The following RORA variants were observed in gnomAD, a reference collection of about 807,000 sequenced individuals.
RORA encodes the protein RAR related orphan receptor A.
A neutral mutation model predicts 69.5 loss-of-function variants in RORA; 7 were observed. That is an observed-to-expected ratio of 0.10 (90% CI 0.06 to 0.19). The LOEUF (loss-of-function observed/expected upper bound fraction) is 0.19. RORA is among the 10% of genes least tolerant of loss of function. The pLI, the probability that RORA is intolerant of heterozygous loss-of-function variation, is 1.00. For missense variants in RORA, 457 were observed against 663.0 expected (o/e 0.69, Z 3.41); for synonymous variants, 261 against 240.8 (o/e 1.08, Z -0.78).
chr15:60,984,333 A>AT (rs917201939), intron 1 of RORA, among the ~76,000 whole-genome samples: 6 of 151,988 alleles, frequency 3.9e-5, no homozygotes, highest in Non-Finnish European at 5.9e-5. Context: ...TTCTACATAT[A>AT]TTTTTGTTGT....
At chr15:60,690,403 G>A (rs1022441021) in intron 1 of RORA, among the ~76,000 whole-genome samples, 2 of 152,132 alleles carry the variant, frequency 1.3e-5, no homozygotes, top group Non-Finnish European at 2.9e-5. Flanking sequence ...CTTGCATAAG[G>A]CCATGACCCA....
chr15:61,032,377 C>T (rs910905784), intron 1 of RORA, among the ~76,000 whole-genome samples: 2 of 152,186 alleles, frequency 1.3e-5, no homozygotes, highest in African/African-American at 2.4e-5. Context: ...GGGCATGAGA[C>T]TGAGTCATAT....
At chr15:60,941,479 A>C (rs749877510) in intron 1 of RORA, among the ~76,000 whole-genome samples, 53 of 152,348 alleles carry the variant, frequency 3.5e-4, no homozygotes, top group Non-Finnish European at 5.4e-4. Flanking sequence ...GAAGGGGCCT[A>C]AGATACTTGG....
chr15:60,601,777 A>G (rs2068817115), intron 2 of RORA, among the ~76,000 whole-genome samples: 1 of 152,190 alleles, frequency 6.6e-6, no homozygotes, highest in Non-Finnish European at 1.5e-5. Context: ...TTTTCAATGT[A>G]CTTTGAGTAA....
At chr15:60,508,995 G>C (rs2065605531) in intron 5 of RORA, among the ~76,000 whole-genome samples, 1 of 152,180 alleles carries the variant, frequency 6.6e-6, no homozygotes, top group South Asian at 2.1e-4. Context: ...GAGAGAATTG[G>C]ACTTAGGATG....
chr15:60,929,532 A>G (rs1215439929), intron 1 of RORA, among the ~76,000 whole-genome samples: 1 of 152,194 alleles, frequency 6.6e-6, no homozygotes, highest in Non-Finnish European at 1.5e-5. Context: ...CACTTTCTTC[A>G]GTTTTTACTA....
intron 1 of RORA, among the ~76,000 whole-genome samples, chr15:60,818,215 T>C (rs1477266337): frequency 6.6e-6 from 1 of 152,132 alleles, no homozygotes; most frequent in Admixed American, 6.5e-5. Context: ...CAGTTTTTGC[T>C]ATTACCTTTA....
chr15:60,520,790 T>C (rs1308279580), intron 3 of RORA, among the ~76,000 whole-genome samples: 1 of 152,226 alleles, frequency 6.6e-6, no homozygotes, highest in African/African-American at 2.4e-5. Context: ...GCAATTTTGT[T>C]ATTTCTAAAA....
rs929502936 is a variant in RORA at position 60,935,032 on chromosome 15, A to C, written c.167-256346T>G. Among the ~76,000 whole-genome samples, 11 of 152,272 alleles carry C rather than the reference A, an allele frequency of 7.2e-5. 1 individual carries two copies. Among genetic ancestry groups the C allele is most frequent in the Admixed American group, 6.5e-4 (10 of 15,282 alleles). Reference sequence around the variant, plus strand: ...ATCCACATAATTCTATGCAGTAGGTACTATTATTATCCCCATTTTAGAAAT... The same window carrying C: ...ATCCACATAATTCTATGCAGTAGGTCCTATTATTATCCCCATTTTAGAAAT... On this transcript the variant is annotated intron_variant, in intron 1 of 10. Coordinates refer to ENST00000335670, the MANE Select transcript of RORA (RefSeq NM_134261.3).
At chr15:60,605,363 C>G (rs1294104176) in intron 2 of RORA, among the ~76,000 whole-genome samples, 1 of 152,094 alleles carries the variant, frequency 6.6e-6, no homozygotes, top group Non-Finnish European at 1.5e-5. Flanking sequence ...TATTATGATT[C>G]TGTCTGAAAT....
chr15:60,884,120 C>T lies in RORA; in HGVS notation c.167-205434G>A, dbSNP rs543020288. 3.0e-4 allele frequency among the ~76,000 whole-genome samples: 46 copies of T among 151,914 alleles called. 1 individual carries two copies. The South Asian group carries it at 8.7e-3, about 29-fold the overall frequency. On this transcript the variant is annotated intron_variant, in intron 1 of 10. Coordinates refer to ENST00000335670, the MANE Select transcript of RORA (RefSeq NM_134261.3). ...CTGGAGGTGCTTTTCAACTGGATTG[C>T]GTCCGTGGCTGACAAATGGAATAAA...
chr15:60,678,756 C>A, intron 1 of RORA, 70 bp from the exon 2 acceptor site: 1 of 1,331,198 alleles, frequency 7.5e-7, no homozygotes, highest in African/African-American at 1.4e-5. Context: ...GTCCGTCATT[C>A]CCAGTGTGCT....
At position 60,497,603 on chromosome 15, in the gene RORA, G is replaced by C. The variant is rs778749843; in HGVS notation, c.1424C>G (p.Ser475Cys). ...TCGTCCACATAAGGCTCTTAAGGTA[G>C]ACACCTTGCATATTAACTGTAAGTG... is the stretch of plus-strand genomic sequence containing the variant. ...GILTKLICKV[S>C]TLRALCGRHT... Residue 475 changes from serine (S) to cysteine (C), a missense_variant, in exon 11 of 11, where the codon TCT becomes TGT. By Grantham distance (112) the Ser-to-Cys change is moderately radical. Coordinates refer to ENST00000335670, the MANE Select transcript of RORA (RefSeq NM_134261.3). 2 of 1,610,826 alleles carry C rather than the reference G, an allele frequency of 1.2e-6. No homozygotes were observed.
chr15:60,746,518 A>G (rs1375254116), intron 1 of RORA, among the ~76,000 whole-genome samples: 1 of 152,172 alleles, frequency 6.6e-6, no homozygotes, highest in Non-Finnish European at 1.5e-5. Context: ...GGGAGAGAAA[A>G]AAAAACATTC....
At chr15:60,896,606 C>A (rs1183285054) in intron 1 of RORA, among the ~76,000 whole-genome samples, 3 of 152,178 alleles carry the variant, frequency 2.0e-5, no homozygotes, top group Non-Finnish European at 4.4e-5. Flanking sequence ...CTACCTTATA[C>A]CCAAAATTTC....
chr15:60,511,668 C>A lies in RORA; in HGVS notation c.425-47G>T, dbSNP rs201567397. ...ATACTACATACAATGCGCTTTTCTT[C>A]AATATTCTCTCCTGCGAGCTTTGGG... On this transcript the variant is annotated intron_variant, in intron 4 of 10. Coordinates refer to ENST00000335670, the MANE Select transcript of RORA (RefSeq NM_134261.3). This position sits in a 1 kb window ranked among gnomAD's most constrained non-coding sequence, Gnocchi z 6.4. 4 of 1,533,540 alleles carry A rather than the reference C, an allele frequency of 2.6e-6. No individual in the cohort carries two copies. In the East Asian group the frequency reaches 6.8e-5, roughly 26 times the overall value. 95.0% of individuals were successfully genotyped at this position (1,533,540 alleles called of 1,614,324 possible). A position where few individuals can be genotyped will look rare whatever the true frequency, so the allele number is the denominator to read the frequency against.
chr15:60,729,989 C>T (rs2071409039), intron 1 of RORA, among the ~76,000 whole-genome samples: 2 of 152,192 alleles, frequency 1.3e-5, no homozygotes, highest in Non-Finnish European at 2.9e-5. Flanking sequence ...TGGTTCTTCT[C>T]ACGACTTGTC....
At chr15:60,730,151 C>T (rs1399338626) in intron 1 of RORA, among the ~76,000 whole-genome samples, 2 of 152,292 alleles carry the variant, frequency 1.3e-5, no homozygotes, top group African/African-American at 4.8e-5. Flanking sequence ...CTGCAAGCAT[C>T]TTGTCTTCCT....
intron 1 of RORA, among the ~76,000 whole-genome samples, chr15:61,178,817 A>G (rs2079655034): frequency 6.6e-6 from 1 of 152,216 alleles, no homozygotes; most frequent in Non-Finnish European, 1.5e-5. Context: ...TGTTAAATGG[A>G]AACATGACAC....
Sources: allele counts gnomAD v4.1 joint callset (sites outside exome capture counted in the v4.1 genomes callset), GRCh38; gene constraint gnomAD v4.1.1; non-coding constraint Gnocchi (gnomAD v3.1); transcripts MANE v1.5; gene names NCBI Gene and HGNC (gene_info 2026-07-23, HGNC 2026-07-21).